CLMN: variants seen among roughly 807,000 people sequenced by gnomAD.
CLMN encodes the protein calmin, also known as calmin (calponin-like, transmembrane).
A neutral mutation model predicts 92.7 loss-of-function variants in CLMN; 57 were observed. The ratio of observed to expected loss-of-function variants is 0.61; its 90% CI spans 0.50 to 0.77. CLMN has a LOEUF of 0.77. CLMN is among the 30% of genes least tolerant of loss of function. CLMN has a pLI of 0.00. For synonymous variants in CLMN, 466 were observed against 470.6 expected, an observed-to-expected ratio of 0.99 and a Z score of 0.13; for missense variants, 1,158 against 1,237.5, an observed-to-expected ratio of 0.94 and a Z score of 0.96.
At position 95,194,271 on chromosome 14, in the gene CLMN, T is replaced by C. The variant is rs182622302; in HGVS notation, c.2769+265A>G. The C allele has an allele frequency of 1.9e-4, 260 of 1,403,186 alleles. No homozygotes were observed. The African/African-American group carries it at 3.3e-3, about 18-fold the overall frequency. The allele number at this position is 1,403,186 out of a possible 1,614,324, so 86.9% of individuals were successfully genotyped here. On this transcript the variant is annotated intron_variant, in intron 11 of 12. Transcript: ENST00000298912. The surrounding 1 kb of genome is among the most constrained non-coding windows in gnomAD (Gnocchi z 4.0). ...GTGATCCTTCTGGGTGCGCGCGGGG[T>C]CCAGGTGAGGCGTTTTGGGTGCGTT...
chr14:95,207,663 A>G (rs1283079989), intron 8 of CLMN, among the ~76,000 whole-genome samples: 1 of 152,210 alleles, frequency 6.6e-6, no homozygotes, highest in Non-Finnish European at 1.5e-5. Context: ...GATGTGTATC[A>G]GAGAGGTCAA....
At chr14:95,296,873 T>C (rs1050760814) in intron 1 of CLMN, among the ~76,000 whole-genome samples, 2 of 152,250 alleles carry the variant, frequency 1.3e-5, no homozygotes, top group African/African-American at 4.8e-5. Flanking sequence ...TAGCCAAACC[T>C]AATCGAGACT....
At chr14:95,310,378 C>G (rs1357779015) in intron 1 of CLMN, among the ~76,000 whole-genome samples, 1 of 152,228 alleles carries the variant, frequency 6.6e-6, no homozygotes, top group Non-Finnish European at 1.5e-5. Flanking sequence ...CTCCCTCTCT[C>G]TCTGACCCTC....
intron 1 of CLMN, among the ~76,000 whole-genome samples, chr14:95,235,120 C>G (rs1898009669): frequency 6.7e-6 from 1 of 149,848 alleles, no homozygotes; most frequent in African/African-American, 2.5e-5. Context: ...TTCTCTCTCT[C>G]TCACACACAC....
Position 95,204,475 on chromosome 14 carries a change from A to C in CLMN, c.886-12T>G, listed in dbSNP as rs1435000972. Reference sequence around the variant, plus strand: ...TCGAAAATATCTTCCTGCAAAAAAAAACAAAAACAAACAAACAAAAAAAAA... The same window carrying C: ...TCGAAAATATCTTCCTGCAAAAAAACACAAAAACAAACAAACAAAAAAAAA... On this transcript the variant is annotated splice_polypyrimidine_tract_variant and intron_variant, in intron 8 of 12. Coordinates refer to ENST00000298912, the MANE Select transcript of CLMN (RefSeq NM_024734.4). The C allele has an allele frequency of 1.3e-6, 2 of 1,545,762 alleles. No individual in the cohort carries two copies. Among genetic ancestry groups the C allele is most frequent in the Non-Finnish European group, 1.7e-6 (2 of 1,152,642 alleles).
At chr14:95,211,333 G>C (rs1463573457) in intron 6 of CLMN, among the ~76,000 whole-genome samples, 1 of 152,190 alleles carries the variant, frequency 6.6e-6, no homozygotes, top group African/African-American at 2.4e-5. Context: ...TGAACTTGCT[G>C]GGGCTTTTGT....
chr14:95,214,401 G>A (rs1043779098), intron 5 of CLMN, among the ~76,000 whole-genome samples: 2 of 145,334 alleles, frequency 1.4e-5, no homozygotes, highest in Non-Finnish European at 3.0e-5. Context: ...CCAGGCTGGA[G>A]TGCAGTGGCA....
intron 12 of CLMN, chr14:95,193,349 C>T (rs1896607559): frequency 6.5e-7 from 1 of 1,534,956 alleles, no homozygotes; most frequent in Admixed American, 2.0e-5. Flanking sequence ...GTTTGCTTTC[C>T]CTCTTCATGT....
chr14:95,245,176 A>G (rs1453688003), intron 1 of CLMN, among the ~76,000 whole-genome samples: 1 of 34,958 alleles, frequency 2.9e-5, no homozygotes, highest in African/African-American at 1.3e-4. Context: ...TGGTTATATT[A>G]TATATATATA....
chr14:95,315,665 C>A lies in CLMN; in HGVS notation c.82+4046G>T, dbSNP rs375114970. Among the ~76,000 whole-genome samples the A allele has an allele frequency of 1.3e-4, 20 of 152,340 alleles. No individual in the cohort carries two copies. The South Asian group carries it at 4.1e-3, about 32-fold the overall frequency. On this transcript the variant is annotated intron_variant, in intron 1 of 12. Coordinates refer to ENST00000298912, the MANE Select transcript of CLMN (RefSeq NM_024734.4). ...TCTGCACTGTGCAACCCAGAACCTA[C>A]GCAGTCAAGTTTCTGCTTGGCCTTC...
At chr14:95,274,517 C>T (rs1182628970) in intron 1 of CLMN, among the ~76,000 whole-genome samples, 1 of 152,122 alleles carries the variant, frequency 6.6e-6, no homozygotes, top group Non-Finnish European at 1.5e-5. Context: ...AGGTATCACT[C>T]CCCATCAGGT....
chr14:95,252,185 A>C (rs1272346761), intron 1 of CLMN, among the ~76,000 whole-genome samples: 2 of 152,128 alleles, frequency 1.3e-5, no homozygotes, highest in Non-Finnish European at 2.9e-5. Context: ...TAATGTTTTA[A>C]AAATTTAAAA....
At chr14:95,221,050 T>C (rs558755656) in intron 4 of CLMN, among the ~76,000 whole-genome samples, 1 of 152,358 alleles carries the variant, frequency 6.6e-6, no homozygotes, top group South Asian at 2.1e-4. Context: ...AGATGAATCC[T>C]ACTTTATGAT....
chr14:95,250,733 C>G (rs8004635), intron 1 of CLMN, among the ~76,000 whole-genome samples: 35,769 of 152,150 alleles, frequency 0.24, 5,558 homozygotes, highest in African/African-American at 0.44. Context: ...GAGGTCACCC[C>G]GTTAAGTCAG....
At chr14:95,195,621 G>A (rs1028306201) in intron 10 of CLMN, among the ~76,000 whole-genome samples, 2 of 152,246 alleles carry the variant, frequency 1.3e-5, no homozygotes, top group Non-Finnish European at 2.9e-5. Flanking sequence ...AATGTGGAGT[G>A]GGACACATCT....
chr14:95,292,849 G>A (rs1157856304), intron 1 of CLMN, among the ~76,000 whole-genome samples: 1 of 152,144 alleles, frequency 6.6e-6, no homozygotes, highest in Non-Finnish European at 1.5e-5. Context: ...GAGCACGGGT[G>A]CCCGGTGTGG....
intron 6 of CLMN, among the ~76,000 whole-genome samples, chr14:95,212,025 T>C (rs188572637): frequency 2.0e-5 from 3 of 152,242 alleles, no homozygotes; most frequent in Admixed American, 1.3e-4. Flanking sequence ...TTTTTTTTGG[T>C]TGATATTTAT....
In CLMN at chr14:95,194,130, C is replaced by T; in HGVS notation, c.2770-211G>A. 2.8e-6 allele frequency: 4 copies of T among 1,415,950 alleles called. No individual in the cohort carries two copies. The highest frequency in any genetic ancestry group is 3.7e-6 in the Non-Finnish European group (4 of 1,091,708). The allele number at this position is 1,415,950 out of a possible 1,614,324, so 87.7% of individuals were successfully genotyped here. ...GCCCCTCCCTTGTGAGTGCGAGAGA[C>T]CCCACCACCCGGAACCCGGATTGGG... On this transcript the variant is annotated intron_variant, in intron 11 of 12. Transcript: ENST00000298912. This position sits in a 1 kb window ranked among gnomAD's most constrained non-coding sequence, Gnocchi z 4.0.
Position 95,202,934 on chromosome 14 carries a change from C to T in CLMN, c.2415G>A (p.Val805=), listed in dbSNP as rs768752108. ...DQVLYLSRGG[V]GTTPASEPAP... Reference sequence around the variant, plus strand: ...CGGGTTCTGAGGCTGGTGTGGTACCCACACCACCCCTGCTGAGATACAGCA... The same window carrying T: ...CGGGTTCTGAGGCTGGTGTGGTACCTACACCACCCCTGCTGAGATACAGCA... Residue 805 remains valine (V), a synonymous_variant, in exon 9 of 13, where the codon GTG becomes GTA. Coordinates refer to ENST00000298912, the MANE Select transcript of CLMN (RefSeq NM_024734.4). 2.5e-6 allele frequency: 4 copies of T among 1,612,632 alleles called. No homozygotes were observed. The South Asian group carries it at 4.4e-5, about 18-fold the overall frequency.
Sources: allele counts gnomAD v4.1 joint callset (sites outside exome capture counted in the v4.1 genomes callset), GRCh38; gene constraint gnomAD v4.1.1; non-coding constraint Gnocchi (gnomAD v3.1); transcripts MANE v1.5; gene names NCBI Gene and HGNC (gene_info 2026-07-23, HGNC 2026-07-21).